The following ITPKB variants were observed in gnomAD, a reference collection of about 807,000 sequenced individuals.
ITPKB encodes the protein inositol-trisphosphate 3-kinase B.
In ITPKB, 13 loss-of-function variants were observed where a neutral mutation model predicts 69.4. That is an observed-to-expected ratio of 0.19 (90% CI 0.12 to 0.30). The LOEUF is 0.30. Ranked by LOEUF, ITPKB falls within the 10% of genes least tolerant of loss-of-function variation. ITPKB has a pLI of 1.00. For missense variants in ITPKB, 1,240 were observed against 1,250.5 expected, an observed-to-expected ratio of 0.99 and a Z score of 0.13; for synonymous variants, 584 against 513.7, an observed-to-expected ratio of 1.14 and a Z score of -1.85.
chr1:226,709,117 T>C (rs1656880582), intron 2 of ITPKB, among the ~76,000 whole-genome samples: 1 of 152,242 alleles, frequency 6.6e-6, no homozygotes, highest in East Asian at 1.9e-4. Context: ...AGCTGTCTCC[T>C]TTCTGGATTC....
intron 2 of ITPKB, among the ~76,000 whole-genome samples, chr1:226,713,543 C>T (rs1370577517): frequency 6.6e-6 from 1 of 152,184 alleles, no homozygotes; most frequent in East Asian, 1.9e-4. Context: ...AGGGCCAGGG[C>T]CAGAGTCGTG....
At chr1:226,730,481 C>T (rs1657557943) in intron 2 of ITPKB, among the ~76,000 whole-genome samples, 1 of 152,134 alleles carries the variant, frequency 6.6e-6, no homozygotes, top group Non-Finnish European at 1.5e-5. Flanking sequence ...AGAAAAATCA[C>T]AGCAAGGCCT....
chr1:226,701,620 A>C (rs979915209), intron 2 of ITPKB, among the ~76,000 whole-genome samples: 9 of 150,928 alleles, frequency 6.0e-5, no homozygotes, highest in South Asian at 2.1e-4. Context: ...AAAAAAAAAA[A>C]AAAAAAAAAA....
At chr1:226,661,248 C>CAG (rs1558077602) in intron 2 of ITPKB, among the ~76,000 whole-genome samples, 45 of 152,290 alleles carry the variant, frequency 3.0e-4, no homozygotes, top group Admixed American at 7.8e-4. Context: ...GGAGCGCAGC[C>CAG]CATAGCATGC....
intron 2 of ITPKB, among the ~76,000 whole-genome samples, chr1:226,658,419 C>T (rs1055784196): frequency 1.3e-5 from 2 of 152,108 alleles, no homozygotes; most frequent in African/African-American, 4.8e-5. Flanking sequence ...CTGCCCCTGC[C>T]AAAAAGGAGC....
rs1317002614 is a variant in ITPKB at position 226,637,901 on chromosome 1, G to A, written c.2554-151C>T. On this transcript the variant is annotated intron_variant, in intron 6 of 7. Coordinates refer to ENST00000429204, the MANE Select transcript of ITPKB (RefSeq NM_002221.4). This position sits in a 1 kb window ranked among gnomAD's most constrained non-coding sequence, Gnocchi z 4.3. ...GCAGCTTCCTGCGAGCAGGGCTGCT[G>A]TGGCGTCTTTCTCAGCATAAATGTC... The A allele has an allele frequency of 6.2e-6, 4 of 646,222 alleles. No individual in the cohort carries two copies. Among genetic ancestry groups the A allele is most frequent in the South Asian group, 1.8e-5 (1 of 55,946 alleles). The allele number at this position is 646,222 out of a possible 1,614,324, so 40.0% of individuals were successfully genotyped here.
chr1:226,674,499 A>AT (rs1402307106), intron 2 of ITPKB, among the ~76,000 whole-genome samples: 2 of 151,860 alleles, frequency 1.3e-5, no homozygotes, highest in Non-Finnish European at 2.9e-5. Flanking sequence ...GCCTGGCCTA[A>AT]TTTTTGTATT....
rs1220839699 is a variant in ITPKB, at chr1:226,642,342, T to C, written c.2247-217A>G. Among the ~76,000 whole-genome samples the C allele has an allele frequency of 1.3e-5, 2 of 151,902 alleles. No homozygotes were observed. Among genetic ancestry groups the C allele is most frequent in the African/African-American group, 4.8e-5 (2 of 41,364 alleles). On this transcript the variant is annotated intron_variant, in intron 4 of 7. Transcript: ENST00000429204. This position sits in a 1 kb window ranked among gnomAD's most constrained non-coding sequence, Gnocchi z 6.4. ...TTTCTTTTCTTTTTTTTTTAGACAA[T>C]TTTTTTAGTAGATAAGGGAGTCTCG...
intron 2 of ITPKB, among the ~76,000 whole-genome samples, chr1:226,720,724 A>G (rs1017651582): frequency 6.6e-6 from 1 of 152,224 alleles, no homozygotes; most frequent in Non-Finnish European, 1.5e-5. Context: ...ACTGGTAGTA[A>G]AATTATAACT....
intron 2 of ITPKB, among the ~76,000 whole-genome samples, chr1:226,663,429 C>A (rs189577154): frequency 1.3e-5 from 2 of 152,194 alleles, no homozygotes; most frequent in South Asian, 4.1e-4. Flanking sequence ...CAGGTTCTCC[C>A]GCCCACCGGG....
chr1:226,714,236 G>C (rs923403788), intron 2 of ITPKB, among the ~76,000 whole-genome samples: 1 of 152,204 alleles, frequency 6.6e-6, no homozygotes, highest in Non-Finnish European at 1.5e-5. Flanking sequence ...AGTGTTGCTT[G>C]TCTGGAATGT....
chr1:226,682,771 C>T (rs1334360134), intron 2 of ITPKB, among the ~76,000 whole-genome samples: 3 of 152,150 alleles, frequency 2.0e-5, no homozygotes, highest in South Asian at 2.1e-4. Flanking sequence ...ATAAAAGAAG[C>T]TGAAAGTGGT....
At chr1:226,725,561 A>G (rs1657386546) in intron 2 of ITPKB, among the ~76,000 whole-genome samples, 1 of 152,240 alleles carries the variant, frequency 6.6e-6, no homozygotes, top group Non-Finnish European at 1.5e-5. Flanking sequence ...GGAAAAGTCC[A>G]TGCCCCCATT....
intron 2 of ITPKB, among the ~76,000 whole-genome samples, chr1:226,681,455 A>G: frequency 6.6e-6 from 1 of 152,182 alleles, no homozygotes; most frequent in East Asian, 1.9e-4. Flanking sequence ...TGGTCTTCAC[A>G]ACCACCCTGG....
chr1:226,690,703 G>C (rs1173791562), intron 2 of ITPKB, among the ~76,000 whole-genome samples: 1 of 152,168 alleles, frequency 6.6e-6, no homozygotes, highest in Non-Finnish European at 1.5e-5. Context: ...CTCACACACA[G>C]GACCGTCAAT....
In ITPKB at chr1:226,701,617, A is replaced by C. The variant is rs1045012933; in HGVS notation, c.1932+33910T>G. Among the ~76,000 whole-genome samples, 12 of 151,128 alleles carry C rather than the reference A, an allele frequency of 7.9e-5. No homozygotes were observed. In the East Asian group the frequency reaches 1.6e-3, roughly 20 times the overall value. On this transcript the variant is annotated intron_variant, in intron 2 of 7. Coordinates refer to ENST00000429204, the MANE Select transcript of ITPKB (RefSeq NM_002221.4). ...AGACTCCGTCTCAAAAAAAAAAAAAAAAAAAAAAAAAAAACTTCACTTTAC... is the reference window on the plus strand; with the variant it reads ...AGACTCCGTCTCAAAAAAAAAAAAACAAAAAAAAAAAAAACTTCACTTTAC...
chr1:226,698,751 G>A (rs761693590), intron 2 of ITPKB, among the ~76,000 whole-genome samples: 4 of 152,214 alleles, frequency 2.6e-5, no homozygotes, highest in Non-Finnish European at 5.9e-5. Flanking sequence ...CTGGGCTAGA[G>A]CTCAGCTCTG....
In ITPKB at chr1:226,700,490, A is replaced by C. The variant is rs1489219187; in HGVS notation, c.1932+35037T>G. On this transcript the variant is annotated intron_variant, in intron 2 of 7. Transcript: ENST00000429204. The stretch of plus-strand genomic sequence containing the variant: ...CAAAAAAAAAAAAAAAAAAAAAAAA[A>C]AAAAAACCCAGAACTTTGCAACCTT... 4.0e-5 allele frequency among the ~76,000 whole-genome samples: 6 copies of C among 150,236 alleles called. No homozygotes were observed. The South Asian group carries it at 6.3e-4, about 16-fold the overall frequency.
chr1:226,647,548 C>T (rs143345075), intron 3 of ITPKB, among the ~76,000 whole-genome samples, 168 bp from the exon 4 acceptor site: 2 of 152,330 alleles, frequency 1.3e-5, no homozygotes, highest in East Asian at 3.9e-4. Context: ...GGGTTCAAGA[C>T]CTAGTCCCCA....
Sources: allele counts gnomAD v4.1 joint callset (sites outside exome capture counted in the v4.1 genomes callset), GRCh38; gene constraint gnomAD v4.1.1; non-coding constraint Gnocchi (gnomAD v3.1); transcripts MANE v1.5; gene names NCBI Gene and HGNC (gene_info 2026-07-23, HGNC 2026-07-21).